The following PFKFB3 variants were observed in gnomAD, a reference collection of about 807,000 sequenced individuals.
PFKFB3 encodes 6-phosphofructo-2-kinase/fructose-2,6-bisphosphatase 3.
In PFKFB3, 33 loss-of-function variants were observed where a neutral mutation model predicts 68.0. The ratio of observed to expected loss-of-function variants is 0.49; its 90% CI spans 0.37 to 0.65. The LOEUF (loss-of-function observed/expected upper bound fraction) is 0.65. PFKFB3 is among the 30% of genes least tolerant of loss of function. The pLI, the probability that PFKFB3 is intolerant of heterozygous loss-of-function variation, is 0.00. For missense variants in PFKFB3, 586 were observed against 712.2 expected (o/e 0.82, Z 2.02); for synonymous variants, 315 against 288.2 (o/e 1.09, Z -0.94).
rs1220017649 is a variant in PFKFB3 at position 6,233,853 on chromosome 10, G to A, written c.*911G>A. 2 of 152,944 alleles carry A rather than the reference G, an allele frequency of 1.3e-5. No homozygotes were observed. Among genetic ancestry groups the A allele is most frequent in the Non-Finnish European group, 2.9e-5 (2 of 68,216 alleles). 9.5% of individuals were successfully genotyped at this position (152,944 alleles called of 1,614,324 possible). On this transcript the variant is annotated 3_prime_UTR_variant, in exon 15 of 15. Coordinates refer to ENST00000379775, the MANE Select transcript of PFKFB3 (RefSeq NM_004566.4). Reference sequence around the variant, plus strand: ...TGGGGGGCTTGGAACCTCTGAAGGTGGGGAGCGGAACACCTGGCATCCTTC... The same window carrying A: ...TGGGGGGCTTGGAACCTCTGAAGGTAGGGAGCGGAACACCTGGCATCCTTC...
chr10:6,174,656 C>T (rs1842410443), intron 1 of PFKFB3, among the ~76,000 whole-genome samples: 1 of 152,188 alleles, frequency 6.6e-6, no homozygotes. Context: ...GGGTTGGGAC[C>T]AGTGTGCGGG....
the PFKFB3 span, among the ~76,000 whole-genome samples, chr10:6,311,654 C>T: frequency 1.3e-5 from 2 of 152,010 alleles, no homozygotes; most frequent in Admixed American, 6.6e-5. Context: ...AAGACTGAGG[C>T]AGGAGGATCA....
chr10:6,287,023 T>C, the PFKFB3 span, among the ~76,000 whole-genome samples: 1 of 152,246 alleles, frequency 6.6e-6, no homozygotes, highest in Non-Finnish European at 1.5e-5. Context: ...TGTATAATGA[T>C]GTTTCAGTCA....
chr10:6,214,824 G>A (rs1213325445), intron 2 of PFKFB3, among the ~76,000 whole-genome samples: 2 of 152,206 alleles, frequency 1.3e-5, no homozygotes, highest in Non-Finnish European at 2.9e-5. Flanking sequence ...CTGGCGGTGG[G>A]CATGAGGCCC....
At chr10:6,226,091 G>A in intron 13 of PFKFB3, 101 bp from the exon 14 acceptor site, 1 of 1,065,094 alleles carries the variant, frequency 9.4e-7, no homozygotes, top group South Asian at 1.5e-5. Context: ...CAGTCTTTTT[G>A]CCTCTCTAAA....
chr10:6,242,097 G>A (rs750581209), intron 14 of PFKFB3, among the ~76,000 whole-genome samples: 11 of 152,076 alleles, frequency 7.2e-5, no homozygotes, highest in Non-Finnish European at 1.5e-4. Flanking sequence ...TCCCGCCTCA[G>A]CCTCTCAAAG....
intron 1 of PFKFB3, among the ~76,000 whole-genome samples, chr10:6,171,785 G>A (rs1022418033): frequency 3.9e-5 from 6 of 152,252 alleles, no homozygotes; most frequent in African/African-American, 1.4e-4. Context: ...ACAGGTTGTT[G>A]GGGGTAGAAA....
intron 14 of PFKFB3, among the ~76,000 whole-genome samples, chr10:6,252,866 G>A (rs1846410553): frequency 6.6e-6 from 1 of 152,060 alleles, no homozygotes; most frequent in Non-Finnish European, 1.5e-5. Context: ...TAGGGGAGAG[G>A]GATGATAAAA....
At chr10:6,325,759 C>G in the PFKFB3 span, among the ~76,000 whole-genome samples, 3 of 152,146 alleles carry the variant, frequency 2.0e-5, no homozygotes, top group African/African-American at 7.2e-5. Flanking sequence ...TCAGAGCTGT[C>G]CTAGTAAAAT....
At chr10:6,232,366 C>T (rs1845801736) in intron 14 of PFKFB3, among the ~76,000 whole-genome samples, 1 of 152,098 alleles carries the variant, frequency 6.6e-6, no homozygotes, top group Non-Finnish European at 1.5e-5. Context: ...TGCCTGGCTC[C>T]CCACCTGGGC....
At chr10:6,179,086 A>G (rs2131779233) in intron 1 of PFKFB3, among the ~76,000 whole-genome samples, 1 of 152,386 alleles carries the variant, frequency 6.6e-6, no homozygotes, top group Non-Finnish European at 1.5e-5. Context: ...CGTATTCAAT[A>G]AAAGGGAGCT....
chr10:6,166,230 C>T (rs1232040448), intron 1 of PFKFB3, among the ~76,000 whole-genome samples: 2 of 152,082 alleles, frequency 1.3e-5, no homozygotes, highest in Non-Finnish European at 1.5e-5. Flanking sequence ...GATCCGCCCG[C>T]CTCGGTCTCC....
chr10:6,212,976 C>T (rs1163814566), intron 1 of PFKFB3, among the ~76,000 whole-genome samples: 2 of 152,158 alleles, frequency 1.3e-5, no homozygotes, highest in Non-Finnish European at 2.9e-5. Context: ...TGACTCTTAG[C>T]CCCACTCTCC....
chr10:6,165,668 C>T (rs887008242), intron 1 of PFKFB3, among the ~76,000 whole-genome samples: 22 of 152,220 alleles, frequency 1.4e-4, no homozygotes, highest in African/African-American at 4.8e-4. Flanking sequence ...AAGCCCTTGC[C>T]TTTTCTCGAT....
chr10:6,216,139 C>A lies in PFKFB3; in HGVS notation c.314C>A (p.Ala105Asp). The A allele has an allele frequency of 6.2e-7, 1 of 1,614,142 alleles. No individual in the cohort carries two copies. The highest frequency in any genetic ancestry group is 1.7e-5 in the Admixed American group (1 of 60,036). Residue 105 changes from alanine (A) to aspartate (D), a missense_variant, in exon 4 of 15, where the codon GCT becomes GAT. By Grantham distance (126) the Ala-to-Asp change is moderately radical. Transcript: ENST00000379775. ...AMKVRKQCAL[A>D]ALRDVKSYLA... ...GTGCATTCCAGGCAATGTGCCTTAGCTGCCTTGAGAGATGTCAAAAGCTAC... is the reference window on the plus strand; with the variant it reads ...GTGCATTCCAGGCAATGTGCCTTAGATGCCTTGAGAGATGTCAAAAGCTAC...
intron 1 of PFKFB3, among the ~76,000 whole-genome samples, chr10:6,196,412 C>T (rs1843176721): frequency 6.6e-6 from 1 of 152,128 alleles, no homozygotes; most frequent in African/African-American, 2.4e-5. Context: ...TTGACTCCCA[C>T]GATCACAAGG....
At chr10:6,319,476 A>G in the PFKFB3 span, among the ~76,000 whole-genome samples, 1 of 152,198 alleles carries the variant, frequency 6.6e-6, no homozygotes, top group Non-Finnish European at 1.5e-5. Flanking sequence ...GGACATAGAA[A>G]GTAAAATAAT....
In PFKFB3 at chr10:6,227,196, CTGTT is replaced by C. The variant is rs201474577; in HGVS notation, c.1515+837_1515+840del. On this transcript the variant is annotated intron_variant, in intron 14 of 14. Transcript: ENST00000379775. ...GACATTAAGATTTGTTTTCAGAAAA[CTGTT>C]TGTTTTCAGAAAACTGGTCTTTTCC... Among the ~76,000 whole-genome samples the C allele has an allele frequency of 9.7e-3, 1,482 of 152,224 alleles. 29 individuals carry two copies. Among genetic ancestry groups the C allele is most frequent in the African/African-American group, 0.034 (1,426 of 41,526 alleles).
At chr10:6,324,583 C>T in the PFKFB3 span, among the ~76,000 whole-genome samples, 2 of 152,054 alleles carry the variant, frequency 1.3e-5, no homozygotes, top group African/African-American at 2.4e-5. Flanking sequence ...CCCGCCACCA[C>T]GACCAGCTAA....
Sources: allele counts gnomAD v4.1 joint callset (sites outside exome capture counted in the v4.1 genomes callset), GRCh38; gene constraint gnomAD v4.1.1; transcripts MANE v1.5; gene names NCBI Gene and HGNC (gene_info 2026-07-23, HGNC 2026-07-21).